Variants in KLF12 observed in about 807,000 individuals in gnomAD.
KLF12 encodes KLF transcription factor 12.
KLF12 carries 9 observed loss-of-function variants against 37.8 expected under a neutral mutation model. That is an observed-to-expected ratio of 0.24 (90% CI 0.14 to 0.42). The LOEUF is 0.42. KLF12 is among the 10% of genes least tolerant of loss of function. KLF12 has a pLI of 1.00. For synonymous variants in KLF12, 208 were observed against 202.1 expected (o/e 1.03, Z -0.25); for missense variants, 411 against 516.0 (o/e 0.80, Z 1.97).
At chr13:74,210,113 G>T in the KLF12 span, among the ~76,000 whole-genome samples, 1 of 152,114 alleles carries the variant, frequency 6.6e-6, no homozygotes, top group Non-Finnish European at 1.5e-5. Context: ...AAACACCATT[G>T]CAAAGAGATT....
chr13:74,131,062 C>T (rs9600236), intron 1 of KLF12, among the ~76,000 whole-genome samples: 18,914 of 152,250 alleles, frequency 0.12, 1,347 homozygotes, highest in South Asian at 0.18. Context: ...TTAACCAACA[C>T]TGGCTTGAAT....
chr13:74,276,890 G>A, the KLF12 span, among the ~76,000 whole-genome samples: 1 of 152,194 alleles, frequency 6.6e-6, no homozygotes, highest in Non-Finnish European at 1.5e-5. Flanking sequence ...GATTGGAGAA[G>A]CAAAGTTCTT....
At chr13:73,863,995 TAAG>T (rs907157541) in intron 3 of KLF12, among the ~76,000 whole-genome samples, 9 of 152,146 alleles carry the variant, frequency 5.9e-5, no homozygotes, top group African/African-American at 2.2e-4. Context: ...AGATTATAGA[TAAG>T]AAGTTGTGGA....
chr13:74,275,846 CTTTCTTTCTTTCTTTCTTTCT>C, the KLF12 span, among the ~76,000 whole-genome samples: 5 of 114,314 alleles, frequency 4.4e-5, no homozygotes, highest in African/African-American at 1.8e-4. Context: ...TTCTTTCTTT[CTTTCTTTCTTTCTTTCTTTCT>C]ATCTTTCTTT....
Position 73,991,211 on chromosome 13 carries a change from T to C in KLF12, c.33+3779A>G, listed in dbSNP as rs114088575. Among the ~76,000 whole-genome samples, 981 of 152,334 alleles carry C rather than the reference T, an allele frequency of 6.4e-3. 13 individuals carry two copies. Among genetic ancestry groups the C allele is most frequent in the African/African-American group, 0.022 (927 of 41,570 alleles). On this transcript the variant is annotated intron_variant, in intron 2 of 7. Transcript: ENST00000377669. ...CTAGTTGGTATCATTATCAAGTCTATTGATGTGGCTCAATAAAAAAAACTT... is the reference window on the plus strand; with the variant it reads ...CTAGTTGGTATCATTATCAAGTCTACTGATGTGGCTCAATAAAAAAAACTT...
the KLF12 span, among the ~76,000 whole-genome samples, chr13:74,275,872 T>TCA: frequency 2.5e-4 from 25 of 100,486 alleles, no homozygotes; most frequent in African/African-American, 8.9e-4. Flanking sequence ...CTTTCTATCT[T>TCA]TCTTTCTTCT....
the KLF12 span, among the ~76,000 whole-genome samples, chr13:74,188,729 C>T: frequency 6.6e-6 from 1 of 152,082 alleles, no homozygotes; most frequent in South Asian, 2.1e-4. Flanking sequence ...GGCGTGGTGG[C>T]TCACACCTGT....
chr13:73,755,153 C>T (rs1467678760), intron 6 of KLF12, among the ~76,000 whole-genome samples: 5 of 152,146 alleles, frequency 3.3e-5, no homozygotes, highest in Non-Finnish European at 5.9e-5. Flanking sequence ...TTTCTTTCTC[C>T]ATACCTATAA....
chr13:74,249,290 A>T, the KLF12 span, among the ~76,000 whole-genome samples: 1 of 151,032 alleles, frequency 6.6e-6, no homozygotes. Context: ...AGTAAATGTC[A>T]ACTCTTGCAT....
At position 73,694,783 on chromosome 13, in the gene KLF12, C is replaced by T. The variant is rs563948325; in HGVS notation, c.*707G>A. 3 of 152,788 alleles carry T rather than the reference C, an allele frequency of 2.0e-5. No homozygotes were observed. In the South Asian group the frequency reaches 6.2e-4, roughly 32 times the overall value. The allele number at this position is 152,788 out of a possible 1,614,324, so 9.5% of individuals were successfully genotyped here. Reference sequence around the variant, plus strand: ...AGACCAGGACGAGACTTCAACTGCCCCTCTGCTCGAACAGATGAACAAAAC... The same window carrying T: ...AGACCAGGACGAGACTTCAACTGCCTCTCTGCTCGAACAGATGAACAAAAC... On this transcript the variant is annotated 3_prime_UTR_variant, in exon 8 of 8. Coordinates refer to ENST00000377669, the MANE Select transcript of KLF12 (RefSeq NM_007249.5).
At chr13:74,136,587 CATAAAT>C (rs2139052939), upstream of KLF12, among the ~76,000 whole-genome samples, 1 of 152,198 alleles carries the variant, frequency 6.6e-6, no homozygotes, top group African/African-American at 2.4e-5. Flanking sequence ...GCGGATAGAC[CATAAAT>C]ATATTCTATA....
chr13:74,161,401 GA>G, the KLF12 span, among the ~76,000 whole-genome samples: 1 of 152,094 alleles, frequency 6.6e-6, no homozygotes, highest in Admixed American at 6.6e-5. Flanking sequence ...GGGAAAAAGA[GA>G]GGGAGATTTG....
intron 5 of KLF12, among the ~76,000 whole-genome samples, chr13:73,783,917 C>T (rs1881141336): frequency 6.6e-6 from 1 of 152,050 alleles, no homozygotes; most frequent in Non-Finnish European, 1.5e-5. Context: ...GTTATATTTC[C>T]ACAGGTACAC....
intron 3 of KLF12, among the ~76,000 whole-genome samples, chr13:73,861,686 G>A (rs1245313182): frequency 6.6e-6 from 1 of 151,852 alleles, no homozygotes; most frequent in Non-Finnish European, 1.5e-5. Flanking sequence ...TTTAATTTGT[G>A]GAATTATTCC....
intron 3 of KLF12, among the ~76,000 whole-genome samples, chr13:73,854,802 G>A (rs1251824710): frequency 1.3e-5 from 2 of 152,114 alleles, no homozygotes; most frequent in African/African-American, 2.4e-5. Flanking sequence ...TTGTCATTTC[G>A]TATGTTTTCA....
intron 6 of KLF12, among the ~76,000 whole-genome samples, chr13:73,747,273 G>A (rs1396335718): frequency 6.6e-6 from 1 of 151,682 alleles, no homozygotes; most frequent in African/African-American, 2.4e-5. Flanking sequence ...GGGATCCAGA[G>A]GAGGAATGAA....
At chr13:74,297,051 A>C in the KLF12 span, among the ~76,000 whole-genome samples, 101,117 of 152,106 alleles carry the variant, frequency 0.66, 37,909 homozygotes, top group Non-Finnish European at 0.84. Context: ...GGACTCTTGG[A>C]ATACAAAGTG....
the KLF12 span, among the ~76,000 whole-genome samples, chr13:74,272,817 T>C: frequency 6.6e-6 from 1 of 152,124 alleles, no homozygotes; most frequent in Admixed American, 6.6e-5. Flanking sequence ...AGAAGTATCA[T>C]TTTCCTGAAG....
intron 5 of KLF12, among the ~76,000 whole-genome samples, chr13:73,803,915 T>C (rs1882424767): frequency 6.6e-6 from 1 of 152,146 alleles, no homozygotes; most frequent in African/African-American, 2.4e-5. Flanking sequence ...CTTTGGGGTG[T>C]ACAGTCCTCA....
Sources: allele counts gnomAD v4.1 joint callset (sites outside exome capture counted in the v4.1 genomes callset), GRCh38; gene constraint gnomAD v4.1.1; transcripts MANE v1.5; gene names NCBI Gene and HGNC (gene_info 2026-07-23, HGNC 2026-07-21).